RALYL: variants seen among roughly 807,000 people sequenced by gnomAD.
RALYL encodes the protein RALY RNA binding protein like.
A neutral mutation model predicts 35.1 loss-of-function variants in RALYL; 29 were observed. The observed-to-expected ratio is 0.83, with a 90% CI of 0.61 to 1.13. The LOEUF is 1.13. RALYL is among the 50% of genes most tolerant of loss of function. The pLI, the probability that RALYL is intolerant of heterozygous loss-of-function variation, is 0.00. For synonymous variants in RALYL, 120 were observed against 127.6 expected (o/e 0.94, Z 0.40); for missense variants, 359 against 360.4 (o/e 1.00, Z 0.03).
intron 1 of RALYL, among the ~76,000 whole-genome samples, chr8:84,519,297 C>G (rs114258950): frequency 3.3e-5 from 5 of 152,128 alleles, no homozygotes; most frequent in African/African-American, 1.2e-4. Flanking sequence ...AAAATGATAA[C>G]AGTTTCTGGG....
chr8:84,792,820 G>A lies in RALYL; in HGVS notation c.333-11950G>A, dbSNP rs146352362. On this transcript the variant is annotated intron_variant, in intron 3 of 8. Transcript: ENST00000521268. ...GACTGACTTCAAGAGAGAGGAAGAA[G>A]CTGTTTGTACTCTTCAAACCTGGAT... is the stretch of plus-strand genomic sequence containing the variant. Among the ~76,000 whole-genome samples, 139 of 152,304 alleles carry A rather than the reference G, an allele frequency of 9.1e-4. 1 individual carries two copies. In the East Asian group the frequency reaches 0.026, roughly 29 times the overall value.
Position 84,747,875 on chromosome 8 carries a change from G to A in RALYL, c.257-26704G>A, listed in dbSNP as rs139893278. Among the ~76,000 whole-genome samples, 102 of 151,894 alleles carry A rather than the reference G, an allele frequency of 6.7e-4. No individual in the cohort carries two copies. The East Asian group carries it at 0.017, about 25-fold the overall frequency. ...CACACCCCCCAAAAAAATAACCTGGGACCTTACATTCTTTCGGATTCAAAC... is the reference window on the plus strand; with the variant it reads ...CACACCCCCCAAAAAAATAACCTGGAACCTTACATTCTTTCGGATTCAAAC... On this transcript the variant is annotated intron_variant, in intron 2 of 8. Transcript: ENST00000521268.
In RALYL at chr8:84,470,196, A is replaced by T. The variant is rs528949052; in HGVS notation, c.-23-59103A>T. On this transcript the variant is annotated intron_variant, in intron 1 of 8. Transcript: ENST00000521268. ...ACAAGCTTTTTTATAAGTTGTTTTT[A>T]AATTACTTGATTAAAGATGTACACA... is the stretch of plus-strand genomic sequence containing the variant. Among the ~76,000 whole-genome samples, 104 of 152,302 alleles carry T rather than the reference A, an allele frequency of 6.8e-4. 1 individual carries two copies. The highest frequency in any genetic ancestry group is 2.0e-3 in the Admixed American group (30 of 15,298).
intron 1 of RALYL, among the ~76,000 whole-genome samples, chr8:84,257,763 G>A (rs1563622233): frequency 6.6e-6 from 1 of 152,072 alleles, no homozygotes; most frequent in African/African-American, 2.4e-5. Context: ...GACTCCTGAA[G>A]CTGCATTGGC....
intron 1 of RALYL, among the ~76,000 whole-genome samples, chr8:84,433,814 C>CGT (rs1194033007): frequency 1.1e-3 from 67 of 62,612 alleles, no homozygotes; most frequent in Admixed American, 5.0e-3. Flanking sequence ...TGTATGTGTG[C>CGT]GTGTGTGTGT....
intron 2 of RALYL, among the ~76,000 whole-genome samples, chr8:84,729,563 A>G (rs959802142): frequency 3.9e-5 from 6 of 152,146 alleles, no homozygotes; most frequent in South Asian, 2.1e-4. Flanking sequence ...TAGAGACACA[A>G]AAAACCCTTC....
intron 1 of RALYL, among the ~76,000 whole-genome samples, chr8:84,261,044 CTTAA>C (rs1431066568): frequency 6.7e-6 from 1 of 149,908 alleles, no homozygotes; most frequent in Non-Finnish European, 1.5e-5. Context: ...CCTTAAGATA[CTTAA>C]TTATGTTTAA....
intron 1 of RALYL, among the ~76,000 whole-genome samples, chr8:84,246,506 G>A (rs1473166922): frequency 6.6e-6 from 1 of 151,988 alleles, no homozygotes; most frequent in African/African-American, 2.4e-5. Context: ...GTAATTCCAA[G>A]TAAGAATTTT....
At chr8:84,774,995 G>T (rs573616186) in intron 3 of RALYL, among the ~76,000 whole-genome samples, 1 of 152,138 alleles carries the variant, frequency 6.6e-6, no homozygotes, top group African/African-American at 2.4e-5. Context: ...TGTTGCCCAG[G>T]CTGGAGTGCA....
intron 2 of RALYL, among the ~76,000 whole-genome samples, chr8:84,720,169 T>C (rs185678155): frequency 1.3e-5 from 2 of 152,146 alleles, no homozygotes; most frequent in Admixed American, 1.3e-4. Flanking sequence ...TTAAAAAATG[T>C]GTATGGAACC....
At chr8:84,640,744 G>A (rs1826137267) in intron 2 of RALYL, among the ~76,000 whole-genome samples, 1 of 151,940 alleles carries the variant, frequency 6.6e-6, no homozygotes, top group Admixed American at 6.6e-5. Flanking sequence ...GCTAAAAACA[G>A]TGTGACACCA....
chr8:84,523,785 G>A lies in RALYL; in HGVS notation c.-23-5514G>A, dbSNP rs372027821. 7.3e-5 allele frequency among the ~76,000 whole-genome samples: 11 copies of A among 151,240 alleles called. No individual in the cohort carries two copies. In the South Asian group the frequency reaches 1.0e-3, roughly 14 times the overall value. ...GCGGTGTTTGGTTTTTTGTTCTTGC[G>A]ATAGTTTACTGAGAATGATGCTTTC... On this transcript the variant is annotated intron_variant, in intron 1 of 8. Coordinates refer to ENST00000521268, the MANE Select transcript of RALYL (RefSeq NM_173848.7).
chr8:84,849,810 TGAC>T (rs1230546507), intron 4 of RALYL, among the ~76,000 whole-genome samples, 167 bp from the exon 5 acceptor site: 2 of 152,230 alleles, frequency 1.3e-5, no homozygotes, highest in East Asian at 3.8e-4. Context: ...TAATTTGGCA[TGAC>T]ATTATATCAA....
intron 2 of RALYL, among the ~76,000 whole-genome samples, chr8:84,530,219 AG>A (rs1170441722): frequency 7.9e-5 from 12 of 152,134 alleles, no homozygotes; most frequent in Non-Finnish European, 2.9e-5. Context: ...ATTAATGTGT[AG>A]ATAAAAATCA....
At chr8:84,469,029 C>A (rs1408959200) in intron 1 of RALYL, among the ~76,000 whole-genome samples, 2 of 151,654 alleles carry the variant, frequency 1.3e-5, no homozygotes, top group South Asian at 4.2e-4. Context: ...ATTGGTTATT[C>A]TAGTTATACA....
In RALYL at chr8:84,417,958, T is replaced by G. The variant is rs532483679; in HGVS notation, c.-23-111341T>G. 1.6e-4 allele frequency among the ~76,000 whole-genome samples: 25 copies of G among 152,318 alleles called. No homozygotes were observed. In the South Asian group the frequency reaches 5.0e-3, roughly 30 times the overall value. On this transcript the variant is annotated intron_variant, in intron 1 of 8. Transcript: ENST00000521268. ...TTTCTTTTTCAGTAAAAGCACCTAC[T>G]TGAAGACATAGAGATCTTTTCCCCT...
chr8:84,665,933 A>T (rs1038688249), intron 2 of RALYL: 10 of 152,176 alleles, frequency 6.6e-5, no homozygotes, highest in Admixed American at 5.2e-4. Context: ...ATAAAAGATC[A>T]TAGTAAAAAA....
At chr8:84,586,010 C>T (rs1037117309) in intron 2 of RALYL, among the ~76,000 whole-genome samples, 1 of 152,016 alleles carries the variant, frequency 6.6e-6, no homozygotes, top group African/African-American at 2.4e-5. Flanking sequence ...ACCTGACCAA[C>T]ATGGTGAAAC....
chr8:84,742,877 T>A (rs1354654419), intron 2 of RALYL, among the ~76,000 whole-genome samples: 1 of 151,984 alleles, frequency 6.6e-6, no homozygotes, highest in Non-Finnish European at 1.5e-5. Context: ...TGTCCTAATT[T>A]CTTTGTGCTC....
Sources: allele counts gnomAD v4.1 joint callset (sites outside exome capture counted in the v4.1 genomes callset), GRCh38; gene constraint gnomAD v4.1.1; transcripts MANE v1.5; gene names NCBI Gene and HGNC (gene_info 2026-07-23, HGNC 2026-07-21).